Variants in PTPRG observed in about 807,000 individuals in gnomAD.
PTPRG encodes the protein receptor-type tyrosine-protein phosphatase gamma.
PTPRG carries 102 observed loss-of-function variants against 165.3 expected under a neutral mutation model. The observed-to-expected ratio is 0.62, with a 90% CI of 0.53 to 0.73. The LOEUF (loss-of-function observed/expected upper bound fraction) is 0.73, where lower values mean the gene tolerates loss of function less well. PTPRG is among the 30% of genes least tolerant of loss of function. PTPRG has a pLI of 0.00. For missense variants in PTPRG, 1,866 were observed against 1,861.4 expected (o/e 1.00, Z -0.05); for synonymous variants, 675 against 669.5 (o/e 1.01, Z -0.13).
At position 62,294,776 on chromosome 3, in the gene PTPRG, G is replaced by C. The variant is rs1158910520; in HGVS notation, c.*1469G>C. 4 of 152,044 alleles carry C rather than the reference G, an allele frequency of 2.6e-5. No homozygotes were observed. The highest frequency in any genetic ancestry group is 4.4e-5 in the Non-Finnish European group (3 of 67,990). The allele number at this position is 152,044 out of a possible 1,614,324, so 9.4% of individuals were successfully genotyped here. A position where few individuals can be genotyped will look rare whatever the true frequency, so the allele number is the denominator to read the frequency against. On this transcript the variant is annotated 3_prime_UTR_variant, in exon 30 of 30. Transcript: ENST00000474889. ...AAAAGTGAAATCATCACCAGAACTG[G>C]GCCTGTTAGGAAGAATAGGGTTTTA...
At chr3:61,850,150 TTTTA>T (rs753274276) in intron 2 of PTPRG, among the ~76,000 whole-genome samples, 4 of 152,226 alleles carry the variant, frequency 2.6e-5, no homozygotes, top group Non-Finnish European at 2.9e-5. Context: ...TATCCTGTTC[TTTTA>T]TTTATTTATT....
intron 1 of PTPRG, chr3:61,659,548 G>A: frequency 1.3e-6 from 1 of 753,298 alleles, no homozygotes; most frequent in Middle Eastern, 6.7e-4. Context: ...ATCTTAGGAA[G>A]ATAAACACTT....
In PTPRG at chr3:61,627,887, T is replaced by G. The variant is rs546336773; in HGVS notation, c.85+65515T>G. Reference sequence around the variant, plus strand: ...TTGTTAAGGTCAAATGAGGTGTGGTTTAATGTTTTGCAGCTTCATTGTAAA... The same window carrying G: ...TTGTTAAGGTCAAATGAGGTGTGGTGTAATGTTTTGCAGCTTCATTGTAAA... On this transcript the variant is annotated intron_variant, in intron 1 of 29. Transcript: ENST00000474889. 5.9e-5 allele frequency among the ~76,000 whole-genome samples: 9 copies of G among 152,332 alleles called. No homozygotes were observed. In the South Asian group the frequency reaches 1.9e-3, roughly 32 times the overall value.
chr3:61,819,019 A>T (rs1024020422), intron 2 of PTPRG, among the ~76,000 whole-genome samples: 1 of 152,200 alleles, frequency 6.6e-6, no homozygotes, highest in Non-Finnish European at 1.5e-5. Context: ...TGAAAAGGAA[A>T]AACAAAAATC....
chr3:61,961,899 G>C (rs1344464603), intron 2 of PTPRG, among the ~76,000 whole-genome samples: 1 of 152,208 alleles, frequency 6.6e-6, no homozygotes, highest in African/African-American at 2.4e-5. Context: ...CATGTGGCTA[G>C]AGTTTGAGAA....
At chr3:62,119,064 G>A (rs969123279) in intron 5 of PTPRG, among the ~76,000 whole-genome samples, 2 of 152,210 alleles carry the variant, frequency 1.3e-5, no homozygotes, top group East Asian at 1.9e-4. Context: ...TAAATAAAGT[G>A]CAAGCCCTGC....
In PTPRG at chr3:61,864,389, A is replaced by C. The variant is rs976338737; in HGVS notation, c.190+115407A>C. Among the ~76,000 whole-genome samples the C allele has an allele frequency of 9.9e-5, 15 of 152,146 alleles. No homozygotes were observed. In the South Asian group the frequency reaches 1.0e-3, roughly 11 times the overall value. ...GATGCCCATGTATGATAGGTGGATA[A>C]GGGGACAGTGCTTCTCCTTGTGTCC... is the stretch of plus-strand genomic sequence containing the variant. On this transcript the variant is annotated intron_variant, in intron 2 of 29. Coordinates refer to ENST00000474889, the MANE Select transcript of PTPRG (RefSeq NM_002841.4).
chr3:61,752,139 G>A (rs1295189127), intron 2 of PTPRG, among the ~76,000 whole-genome samples: 5 of 152,172 alleles, frequency 3.3e-5, no homozygotes. Flanking sequence ...GATTGACAGT[G>A]GGTGATGACT....
At chr3:61,654,782 CT>C (rs5849443) in intron 1 of PTPRG, among the ~76,000 whole-genome samples, 30 of 129,410 alleles carry the variant, frequency 2.3e-4, no homozygotes, top group Non-Finnish European at 2.4e-4. Context: ...TGTGCTTTTT[CT>C]TTTTTTTTTT....
In PTPRG at chr3:61,659,061, C is replaced by T. The variant is rs185336490; in HGVS notation, c.86-89817C>T. Among the ~76,000 whole-genome samples, 10 of 150,872 alleles carry T rather than the reference C, an allele frequency of 6.6e-5. No homozygotes were observed. The East Asian group carries it at 2.0e-3, about 30-fold the overall frequency. ...CTCCTGCCCCTGCCCCTGCCCCTGC[C>T]CCTGTTCCCCTTTTTGGACAGTGCC... On this transcript the variant is annotated intron_variant, in intron 1 of 29. Coordinates refer to ENST00000474889, the MANE Select transcript of PTPRG (RefSeq NM_002841.4).
At chr3:61,768,088 T>G (rs1315886755) in intron 2 of PTPRG, among the ~76,000 whole-genome samples, 2 of 152,190 alleles carry the variant, frequency 1.3e-5, no homozygotes, top group African/African-American at 4.8e-5. Context: ...TATTAATTGA[T>G]TTTAGATTTT....
At chr3:61,814,371 A>G (rs2035693169) in intron 2 of PTPRG, among the ~76,000 whole-genome samples, 1 of 152,214 alleles carries the variant, frequency 6.6e-6, no homozygotes, top group Non-Finnish European at 1.5e-5. Flanking sequence ...CACTTCTCGT[A>G]TACAAGAACA....
chr3:61,790,867 A>G (rs2034849342), intron 2 of PTPRG, among the ~76,000 whole-genome samples: 2 of 152,298 alleles, frequency 1.3e-5, no homozygotes, highest in African/African-American at 2.4e-5. Context: ...GGTAGGTACA[A>G]GGATTGATTT....
At chr3:62,125,585 T>C (rs1576034172) in intron 5 of PTPRG, among the ~76,000 whole-genome samples, 1 of 152,132 alleles carries the variant, frequency 6.6e-6, no homozygotes, top group South Asian at 2.1e-4. Context: ...GTCAAAGTTG[T>C]CCAGCACTGC....
intron 5 of PTPRG, among the ~76,000 whole-genome samples, chr3:62,102,296 A>T (rs1023515623): frequency 4.0e-5 from 6 of 151,536 alleles, no homozygotes; most frequent in African/African-American, 1.5e-4. Context: ...TCTTTTCTTG[A>T]TGGAGTCTCG....
At chr3:61,850,266 G>A (rs1164388538) in intron 2 of PTPRG, among the ~76,000 whole-genome samples, 7 of 152,040 alleles carry the variant, frequency 4.6e-5, no homozygotes, top group Non-Finnish European at 1.0e-4. Flanking sequence ...GGGTTCAAGC[G>A]ATTCTCCCTG....
At chr3:61,660,817 A>C (rs1465778121) in intron 1 of PTPRG, among the ~76,000 whole-genome samples, 1 of 152,160 alleles carries the variant, frequency 6.6e-6, no homozygotes, top group East Asian at 1.9e-4. Flanking sequence ...CCTGGCCAAC[A>C]TGTTGAAACC....
chr3:61,868,976 T>A (rs1490251432), intron 2 of PTPRG, among the ~76,000 whole-genome samples: 1 of 152,100 alleles, frequency 6.6e-6, no homozygotes. Context: ...TCTAATAACT[T>A]TTTTTTGGTG....
At chr3:61,882,295 T>A (rs2037909658) in intron 2 of PTPRG, among the ~76,000 whole-genome samples, 1 of 152,236 alleles carries the variant, frequency 6.6e-6, no homozygotes, top group Non-Finnish European at 1.5e-5. Flanking sequence ...AGGGACTTGC[T>A]CAGCTGGAAT....
Sources: allele counts gnomAD v4.1 joint callset (sites outside exome capture counted in the v4.1 genomes callset), GRCh38; gene constraint gnomAD v4.1.1; transcripts MANE v1.5; gene names NCBI Gene and HGNC (gene_info 2026-07-23, HGNC 2026-07-21).